RPTOR: variants seen among roughly 807,000 people sequenced by gnomAD.
The protein encoded by RPTOR is regulatory associated protein of MTOR complex 1, also known as regulatory-associated protein of mTOR.
In RPTOR, 21 loss-of-function variants were observed where a neutral mutation model predicts 169.9. That is an observed-to-expected ratio of 0.12 (90% CI 0.09 to 0.18). The LOEUF (loss-of-function observed/expected upper bound fraction) is 0.18, where lower values mean the gene tolerates loss of function less well. Ranked by LOEUF, RPTOR falls within the 10% of genes least tolerant of loss-of-function variation. The pLI is 1.00. For synonymous variants in RPTOR, 732 were observed against 753.2 expected (o/e 0.97, Z 0.46); for missense variants, 1,133 against 1,855.9 (o/e 0.61, Z 7.16).
At chr17:80,585,342 T>C (rs576978741) in intron 1 of RPTOR, among the ~76,000 whole-genome samples, 8 of 151,912 alleles carry the variant, frequency 5.3e-5, no homozygotes, top group Non-Finnish European at 1.0e-4. Context: ...GTAGCTGAGA[T>C]TATAGGCACG....
chr17:80,796,719 C>T (rs569140116), intron 7 of RPTOR, among the ~76,000 whole-genome samples: 1 of 152,216 alleles, frequency 6.6e-6, no homozygotes, highest in East Asian at 1.9e-4. Context: ...GGATTTGGGT[C>T]TGAGTCACTG....
At chr17:80,698,458 CCTGCT>C (rs2066055876) in intron 3 of RPTOR, among the ~76,000 whole-genome samples, 1 of 152,192 alleles carries the variant, frequency 6.6e-6, no homozygotes, top group African/African-American at 2.4e-5. Context: ...GTGGTCATGG[CCTGCT>C]CCCCGGGGGC....
intron 1 of RPTOR, among the ~76,000 whole-genome samples, chr17:80,586,829 A>G (rs1568320794): frequency 1.3e-5 from 2 of 151,846 alleles, no homozygotes; most frequent in Non-Finnish European, 2.9e-5. Context: ...CTAACCTGAT[A>G]TGTTTCTCAT....
At chr17:80,689,572 A>C (rs1034238533) in intron 3 of RPTOR, among the ~76,000 whole-genome samples, 11 of 152,250 alleles carry the variant, frequency 7.2e-5, no homozygotes, top group African/African-American at 2.7e-4. Context: ...GGAAGCGCAA[A>C]AGCACAGCAT....
At chr17:80,787,168 C>G (rs1307253862) in intron 6 of RPTOR, among the ~76,000 whole-genome samples, 1 of 152,166 alleles carries the variant, frequency 6.6e-6, no homozygotes, top group Non-Finnish European at 1.5e-5. Flanking sequence ...TCATTAAGAC[C>G]ATTACTTTTC....
intron 6 of RPTOR, among the ~76,000 whole-genome samples, chr17:80,756,892 A>G (rs1194377342): frequency 1.3e-5 from 2 of 152,254 alleles, no homozygotes; most frequent in Non-Finnish European, 1.5e-5. Flanking sequence ...GTAGTCTATT[A>G]TAGCAACACA....
intron 24 of RPTOR, among the ~76,000 whole-genome samples, chr17:80,926,202 C>T (rs1326956628): frequency 6.6e-6 from 1 of 152,216 alleles, no homozygotes; most frequent in Non-Finnish European, 1.5e-5. Context: ...GGTATTTGGA[C>T]CCCATGACAG....
intron 1 of RPTOR, among the ~76,000 whole-genome samples, chr17:80,553,639 T>C (rs2084371334): frequency 6.6e-6 from 1 of 152,172 alleles, no homozygotes; most frequent in Non-Finnish European, 1.5e-5. Flanking sequence ...AGATGACCAA[T>C]CCATGATATT....
intron 6 of RPTOR, among the ~76,000 whole-genome samples, chr17:80,777,965 C>T (rs1345284164): frequency 2.0e-5 from 3 of 152,148 alleles, no homozygotes; most frequent in African/African-American, 4.8e-5. Flanking sequence ...TTCTGTGTAG[C>T]GAGCATCCGT....
intron 13 of RPTOR, among the ~76,000 whole-genome samples, chr17:80,863,305 C>T (rs1371469839): frequency 6.6e-6 from 1 of 152,130 alleles, no homozygotes; most frequent in African/African-American, 2.4e-5. Context: ...CCCCCAGCAT[C>T]ACTCCCCATG....
At chr17:80,717,894 AG>A (rs2066253054) in intron 4 of RPTOR, among the ~76,000 whole-genome samples, 1 of 152,310 alleles carries the variant, frequency 6.6e-6, no homozygotes, top group South Asian at 2.1e-4. Context: ...TGGCAGCTGT[AG>A]CCATTAAGAA....
At chr17:80,552,892 T>C (rs2084362670) in intron 1 of RPTOR, among the ~76,000 whole-genome samples, 1 of 152,184 alleles carries the variant, frequency 6.6e-6, no homozygotes, top group Non-Finnish European at 1.5e-5. Context: ...GGGTTGAAAA[T>C]AGCAGACCAG....
chr17:80,840,183 C>T (rs773924264), intron 10 of RPTOR, among the ~76,000 whole-genome samples: 1 of 152,152 alleles, frequency 6.6e-6, no homozygotes, highest in Non-Finnish European at 1.5e-5. Flanking sequence ...CAGCAGTGGC[C>T]GCTTTCCTGC....
At chr17:80,690,622 C>T (rs764329660) in intron 3 of RPTOR, among the ~76,000 whole-genome samples, 4 of 152,032 alleles carry the variant, frequency 2.6e-5, no homozygotes, top group Non-Finnish European at 5.9e-5. Context: ...GATTTCCTCT[C>T]GGTGGTGGAC....
chr17:80,595,408 A>G (rs192795902), intron 1 of RPTOR, among the ~76,000 whole-genome samples: 6 of 152,360 alleles, frequency 3.9e-5, no homozygotes, highest in Middle Eastern at 6.8e-3. Flanking sequence ...TATTACACAC[A>G]GGCTGCTTCT....
chr17:80,870,269 C>T (rs1353539201), intron 13 of RPTOR, among the ~76,000 whole-genome samples: 1 of 152,156 alleles, frequency 6.6e-6, no homozygotes, highest in Non-Finnish European at 1.5e-5. Flanking sequence ...TTTGGAAATT[C>T]AAAGAGGCTT....
chr17:80,907,791 T>C (rs2068562323), intron 20 of RPTOR, among the ~76,000 whole-genome samples: 1 of 152,160 alleles, frequency 6.6e-6, no homozygotes, highest in Non-Finnish European at 1.5e-5. Flanking sequence ...TGCTACCCCC[T>C]CTCGCTCCAC....
chr17:80,964,448 T>A lies in RPTOR; in HGVS notation c.*118T>A. 1 of 986,910 alleles carries A rather than the reference T, an allele frequency of 1.0e-6. No individual in the cohort carries two copies. The highest frequency in any genetic ancestry group is 1.6e-6 in the Non-Finnish European group (1 of 635,230). The allele number at this position is 986,910 out of a possible 1,614,324, so 61.1% of individuals were successfully genotyped here. On this transcript the variant is annotated 3_prime_UTR_variant, in exon 34 of 34. Coordinates refer to ENST00000306801, the MANE Select transcript of RPTOR (RefSeq NM_020761.3). ...CGCAGTGTGAACGTTGGCTGCTGCCTTAGCTGCTGATGACGGCAGGAGGGC... is the reference window on the plus strand; with the variant it reads ...CGCAGTGTGAACGTTGGCTGCTGCCATAGCTGCTGATGACGGCAGGAGGGC...
intron 1 of RPTOR, among the ~76,000 whole-genome samples, chr17:80,592,462 T>C (rs1242855846): frequency 6.6e-6 from 1 of 151,982 alleles, no homozygotes; most frequent in African/African-American, 2.4e-5. Context: ...GTGATGGCGG[T>C]GGGAGGACAG....
Sources: allele counts gnomAD v4.1 joint callset (sites outside exome capture counted in the v4.1 genomes callset), GRCh38; gene constraint gnomAD v4.1.1; transcripts MANE v1.5; gene names NCBI Gene and HGNC (gene_info 2026-07-23, HGNC 2026-07-21).